The following ZNF112 variants were observed in gnomAD, a reference collection of about 807,000 sequenced individuals.
The protein encoded by ZNF112 is zinc finger protein 112 (Y14).
Under a neutral mutation model 77.7 loss-of-function variants are expected in ZNF112, and 37 were observed. That is an observed-to-expected ratio of 0.48 (90% CI 0.37 to 0.63). The LOEUF (loss-of-function observed/expected upper bound fraction) is 0.63. ZNF112 is among the 20% of genes least tolerant of loss of function. The probability of loss-of-function intolerance (pLI) is 0.00; values close to 1 mark genes in which losing one functional copy is unlikely to be tolerated. For synonymous variants in ZNF112, 333 were observed against 363.6 expected (o/e 0.92, Z 0.96); for missense variants, 950 against 1,077.4 (o/e 0.88, Z 1.66).
intron 1 of ZNF112, among the ~76,000 whole-genome samples, chr19:44,348,472 C>G (rs911996840): frequency 6.6e-6 from 1 of 152,042 alleles, no homozygotes; most frequent in African/African-American, 2.4e-5. Context: ...TGCTACTGAG[C>G]CCATCGAATA....
chr19:44,362,084 T>C (rs570302777), intron 1 of ZNF112, among the ~76,000 whole-genome samples: 25 of 152,190 alleles, frequency 1.6e-4, no homozygotes, highest in African/African-American at 6.0e-4. Flanking sequence ...AACATACTGA[T>C]CAGGTGTATC....
intron 1 of ZNF112, among the ~76,000 whole-genome samples, chr19:44,362,247 GTA>G (rs1970861878): frequency 6.6e-6 from 1 of 151,834 alleles, no homozygotes; most frequent in Non-Finnish European, 1.5e-5. Context: ...GAAGGTGAGG[GTA>G]TGTAGGAGGA....
chr19:44,343,391 C>A (rs936116807), intron 1 of ZNF112: 14 of 1,085,360 alleles, frequency 1.3e-5, no homozygotes, highest in Non-Finnish European at 1.8e-5. Context: ...TGTCCCTTCC[C>A]CCAGCAGATG....
At chr19:44,341,822 T>C (rs1970495706) in intron 1 of ZNF112, among the ~76,000 whole-genome samples, 1 of 152,242 alleles carries the variant, frequency 6.6e-6, no homozygotes, top group African/African-American at 2.4e-5. Context: ...TGAACAACTG[T>C]TCAGTCCCAT....
intron 1 of ZNF112, 55 bp from the exon 2 acceptor site, chr19:44,340,597 A>G: frequency 6.2e-7 from 1 of 1,611,516 alleles, no homozygotes; most frequent in Non-Finnish European, 8.5e-7. Context: ...AGTGCTGAGA[A>G]GGTGTAAAGG....
Position 44,327,909 on chromosome 19 carries a change from TCC to T in ZNF112, c.2246_2247del (p.Gly749GlufsTer4). 1 of 1,613,908 alleles carries T rather than the reference TCC, an allele frequency of 6.2e-7. No individual in the cohort carries two copies. Among genetic ancestry groups the T allele is most frequent in the South Asian group, 1.1e-5 (1 of 91,074 alleles). On this transcript the variant is annotated frameshift_variant, in exon 4 of 4. Transcript: ENST00000354340. LOFTEE classifies it high-confidence loss of function. Reference sequence around the variant, plus strand: ...AGGCGCGAACTCTGACTAAAGCCCTTCCCACACATCTCACATTTATACGGTTT... The same window carrying T: ...AGGCGCGAACTCTGACTAAAGCCCTTCACACATCTCACATTTATACGGTTT... ...RVKPYKCEMCGKGFSQSSRLE... is the reference protein window; with the variant it reads ...RVKPYKCEMCXKGFSQSSRLE...
At chr19:44,352,787 T>A (rs567231901) in intron 1 of ZNF112, among the ~76,000 whole-genome samples, 9 of 152,202 alleles carry the variant, frequency 5.9e-5, no homozygotes, top group African/African-American at 2.2e-4. Flanking sequence ...CGGGCATATG[T>A]CTAAACAAAA....
intron 1 of ZNF112, among the ~76,000 whole-genome samples, chr19:44,345,966 C>T (rs900061566): frequency 6.6e-6 from 1 of 152,154 alleles, no homozygotes; most frequent in Non-Finnish European, 1.5e-5. Flanking sequence ...TTTTCACAAC[C>T]CTTCAAATGT....
At chr19:44,340,156 G>A (rs1236116925) in intron 2 of ZNF112, among the ~76,000 whole-genome samples, 1 of 152,022 alleles carries the variant, frequency 6.6e-6, no homozygotes, top group African/African-American at 2.4e-5. Flanking sequence ...CTGGTGCCCT[G>A]AAAAATAAAC....
intron 1 of ZNF112, among the ~76,000 whole-genome samples, chr19:44,342,889 A>T (rs981400177): frequency 3.3e-5 from 5 of 152,218 alleles, no homozygotes; most frequent in African/African-American, 1.2e-4. Context: ...ATTAGATGAT[A>T]AAAATTAACT....
chr19:44,328,438 T>G lies in ZNF112; in HGVS notation c.1719A>C (p.Lys573Asn). 2 of 1,614,038 alleles carry G rather than the reference T, an allele frequency of 1.2e-6. No homozygotes were observed. The highest frequency in any genetic ancestry group is 2.2e-5 in the South Asian group (2 of 91,072). The change falls in exon 4 of 4, where the codon AAA becomes AAC. Residue 573 changes from lysine to asparagine, a missense_variant. Lys to Asn is a moderately conservative substitution (Grantham distance 94). Around this residue, in one of 3 missense-constraint regions of ZNF112, gnomAD observed 373 missense variants for 482.8 expected, o/e 0.77. Coordinates refer to ENST00000354340, the MANE Select transcript of ZNF112 (RefSeq NM_013380.4). ...QAHQRVHTGE[K>N]PYKCEECGKG... ...TCCCACATTCCTCACATTTATAAGG[T>G]TTTTCTCCAGTGTGGACTCTCTGAT...
chr19:44,367,113 G>A (rs1465651344), exon 1 of ZNF112: 27 of 456,022 alleles, frequency 5.9e-5, no homozygotes, highest in Admixed American at 5.6e-4. Flanking sequence ...ACTGCTAGCC[G>A]CGGATGCTCT....
chr19:44,359,221 G>T (rs559014922), upstream of ZNF112, among the ~76,000 whole-genome samples: 1 of 150,504 alleles, frequency 6.6e-6, no homozygotes, highest in South Asian at 2.1e-4. Flanking sequence ...TAGTAATTCT[G>T]GTCTCTTCAC....
chr19:44,355,458 C>G (rs1970769626), intron 1 of ZNF112, among the ~76,000 whole-genome samples: 1 of 151,954 alleles, frequency 6.6e-6, no homozygotes, highest in South Asian at 2.1e-4. Context: ...ATCAAAAATT[C>G]AAAGCTTATT....
chr19:44,330,026 T>C (rs1970241419), intron 3 of ZNF112, 90 bp from the exon 4 acceptor site: 16 of 1,004,536 alleles, frequency 1.6e-5, no homozygotes, highest in Non-Finnish European at 1.6e-5. Context: ...AACATGAAAC[T>C]TGAATGAACC....
Position 44,336,730 on chromosome 19 carries a change from G to A in ZNF112, c.125-12C>T. The A allele has an allele frequency of 6.2e-7, 1 of 1,612,084 alleles. No individual in the cohort carries two copies. The highest frequency in any genetic ancestry group is 1.3e-5 in the African/African-American group (1 of 74,948). On this transcript the variant is annotated splice_polypyrimidine_tract_variant and intron_variant, in intron 2 of 3. Transcript: ENST00000354340. Reference sequence around the variant, plus strand: ...GAAGGGCTGATGTGCTGTAAAGAAGGAAAGGACAGCAAAAGTTTTTAAGTT... The same window carrying A: ...GAAGGGCTGATGTGCTGTAAAGAAGAAAAGGACAGCAAAAGTTTTTAAGTT...
chr19:44,328,118 A>G lies in ZNF112; in HGVS notation c.2039T>C (p.Val680Ala). 6.2e-7 allele frequency: 1 copy of G among 1,613,886 alleles called. No individual in the cohort carries two copies. Among genetic ancestry groups the G allele is most frequent in the South Asian group, 1.1e-5 (1 of 91,066 alleles). Residue 680 changes from valine (V) to alanine (A), a missense_variant, in exon 4 of 4, where the codon GTC (valine) becomes GCC (alanine). By Grantham distance (64) the Val-to-Ala change is moderately conservative. Transcript: ENST00000354340. ...KASTLLAHQR[V>A]HTGEKPYQCD... ...TTGGTATGGCTTCTCTCCCGTGTGG[A>G]CCCTCTGATGGGCCAAAAGTGTTGA...
At chr19:44,335,144 T>C (rs1261269038) in intron 3 of ZNF112, among the ~76,000 whole-genome samples, 1 of 152,256 alleles carries the variant, frequency 6.6e-6, no homozygotes, top group Non-Finnish European at 1.5e-5. Flanking sequence ...CATGCCTGGA[T>C]GTGAGACATG....
chr19:44,331,868 G>C (rs746385839), intron 3 of ZNF112, among the ~76,000 whole-genome samples: 1 of 152,198 alleles, frequency 6.6e-6, no homozygotes, highest in Non-Finnish European at 1.5e-5. Flanking sequence ...TATAGGAGAC[G>C]TAGGGCGACA....
Sources: gnomAD v4.1 joint callset for allele counts (sites outside exome capture counted in the v4.1 genomes callset) on GRCh38, gnomAD v4.1.1 for gene constraint, gnomAD v4.1.1 regional missense constraint, MANE v1.5 for transcripts, NCBI Gene and HGNC (gene_info 2026-07-23, HGNC 2026-07-21) for gene names.